PLD1: variants seen among roughly 807,000 people sequenced by gnomAD.
PLD1 encodes phospholipase D1.
In PLD1, 112 loss-of-function variants were observed where a neutral mutation model predicts 137.1. The observed-to-expected ratio is 0.82, with a 90% confidence interval of 0.70 to 0.96. The LOEUF is 0.96. Among genes scored for constraint, PLD1 ranks in the 40% least tolerant of loss-of-function variants. The probability of loss-of-function intolerance (pLI) is 0.00; values close to 1 mark genes in which losing one functional copy is unlikely to be tolerated. For missense variants in PLD1, 1,321 were observed against 1,342.0 expected (o/e 0.98, Z 0.24); for synonymous variants, 431 against 454.7 (o/e 0.95, Z 0.66).
chr3:171,736,839 T>G (rs1719395422), intron 3 of PLD1, among the ~76,000 whole-genome samples: 1 of 152,192 alleles, frequency 6.6e-6, no homozygotes, highest in Admixed American at 6.5e-5. Flanking sequence ...ACTTAACAAC[T>G]GCAAAATCCA....
At chr3:171,797,484 G>A (rs948207694) in intron 1 of PLD1, among the ~76,000 whole-genome samples, 5 of 152,082 alleles carry the variant, frequency 3.3e-5, no homozygotes, top group African/African-American at 1.2e-4. Flanking sequence ...GAAACTCTAG[G>A]GTGAGGCCCA....
intron 1 of PLD1, chr3:171,788,518 C>T (rs1394211641): frequency 6.6e-6 from 1 of 152,074 alleles, no homozygotes. Flanking sequence ...TCTAATATCC[C>T]GTCTCTCTAT....
chr3:171,738,884 C>A (rs189020750), intron 1 of PLD1, among the ~76,000 whole-genome samples: 1 of 152,192 alleles, frequency 6.6e-6, no homozygotes, highest in Non-Finnish European at 1.5e-5. Flanking sequence ...GCTTTGCACA[C>A]TGTCATCAGA....
At chr3:171,720,223 G>A (rs973080086) in intron 8 of PLD1, among the ~76,000 whole-genome samples, 1 of 148,930 alleles carries the variant, frequency 6.7e-6, no homozygotes, top group African/African-American at 2.5e-5. Context: ...GAGCTCAGGA[G>A]GTCGAGGCTG....
intron 1 of PLD1, among the ~76,000 whole-genome samples, chr3:171,802,220 T>C (rs927697719): frequency 6.6e-6 from 1 of 152,204 alleles, no homozygotes; most frequent in Non-Finnish European, 1.5e-5. Context: ...GGAAAGTCCC[T>C]ACTCTCATAA....
chr3:171,744,169 C>T (rs1263544657), intron 1 of PLD1, among the ~76,000 whole-genome samples: 1 of 152,170 alleles, frequency 6.6e-6, no homozygotes, highest in Admixed American at 6.5e-5. Context: ...ATGATCCTCA[C>T]AGCAACTTCA....
At chr3:171,736,605 G>T (rs1248110305) in intron 3 of PLD1, among the ~76,000 whole-genome samples, 3 of 152,132 alleles carry the variant, frequency 2.0e-5, no homozygotes, top group African/African-American at 7.2e-5. Flanking sequence ...ACATGTGCAG[G>T]TAGGCTGGGA....
chr3:171,766,872 G>T (rs200320536), intron 1 of PLD1, among the ~76,000 whole-genome samples: 48,938 of 151,380 alleles, frequency 0.32, 8,296 homozygotes, highest in African/African-American at 0.39. Context: ...GTTCTATATT[G>T]TTAAAGGTTC....
At position 171,659,358 on chromosome 3, in the gene PLD1, A is replaced by C. The variant is rs1378243; in HGVS notation, c.2341-57T>G. On this transcript the variant is annotated intron_variant, in intron 20 of 26. Transcript: ENST00000351298. ...TCTTTATTTTCTTAGCAATATACGT[A>C]AGAACAATACTGTAATATATTTTTT... 2.5e-3 allele frequency: 2,647 copies of C among 1,050,370 alleles called. 43 individuals carry two copies. In the African/African-American group the frequency reaches 0.036, roughly 14 times the overall value. The allele number at this position is 1,050,370 out of a possible 1,614,324, so 65.1% of individuals were successfully genotyped here. A position where few individuals can be genotyped will look rare whatever the true frequency, so the allele number is the denominator to read the frequency against.
intron 19 of PLD1, among the ~76,000 whole-genome samples, chr3:171,674,166 T>C (rs1305077167): frequency 2.0e-5 from 3 of 152,212 alleles, no homozygotes; most frequent in African/African-American, 7.2e-5. Flanking sequence ...GCTGCTAAGT[T>C]TCAGCCACAT....
At chr3:171,687,777 T>C (rs540622619) in intron 14 of PLD1, among the ~76,000 whole-genome samples, 193 bp from the exon 15 acceptor site, 10 of 152,292 alleles carry the variant, frequency 6.6e-5, no homozygotes, top group Non-Finnish European at 1.3e-4. Context: ...CAAAGGAATA[T>C]GAGGAGTTCT....
Position 171,615,126 on chromosome 3 carries a change from G to A in PLD1, c.2729-2694C>T, listed in dbSNP as rs1245733067. Reference sequence around the variant, plus strand: ...GTAAATGCTCCCTCCATTTGTTCCTGTATTCTGAAAATCAAATTCAGAAGA... The same window carrying A: ...GTAAATGCTCCCTCCATTTGTTCCTATATTCTGAAAATCAAATTCAGAAGA... On this transcript the variant is annotated intron_variant, in intron 24 of 26. Coordinates refer to ENST00000351298, the MANE Select transcript of PLD1 (RefSeq NM_002662.5). 2.0e-5 allele frequency among the ~76,000 whole-genome samples: 3 copies of A among 152,172 alleles called. No individual in the cohort carries two copies. In the East Asian group the frequency reaches 5.8e-4, roughly 29 times the overall value.
In PLD1 at chr3:171,737,950, G is replaced by A. The variant is rs1406432389; in HGVS notation, c.102C>T (p.His34=). ...IIENLDTREL[H]FEGEEVDYDV... is the part of the protein sequence containing the mutation. ...CGTAGTCTACCTCCTCTCCCTCAAA[G>A]TGGAGTTCCCGCGTGTCCAGATTTT... The change falls in exon 2 of 27, where the codon CAC becomes CAT. Residue 34 remains histidine (H), a synonymous_variant. Coordinates refer to ENST00000351298, the MANE Select transcript of PLD1 (RefSeq NM_002662.5). 6.2e-7 allele frequency: 1 copy of A among 1,613,870 alleles called. No homozygotes were observed. The highest frequency in any genetic ancestry group is 2.2e-5 in the East Asian group (1 of 44,894).
chr3:171,793,402 C>G (rs1723299364), intron 1 of PLD1: 1 of 152,044 alleles, frequency 6.6e-6, no homozygotes, highest in South Asian at 2.1e-4. Context: ...CAAAAGTTCT[C>G]CATTTATCAC....
At chr3:171,607,787 T>A (rs1468431008) in intron 25 of PLD1, among the ~76,000 whole-genome samples, 1 of 152,202 alleles carries the variant, frequency 6.6e-6, no homozygotes, top group Non-Finnish European at 1.5e-5. Context: ...GATGGTTATA[T>A]CTGCAAAGTT....
intron 16 of PLD1, among the ~76,000 whole-genome samples, chr3:171,678,815 C>T (rs1243217978): frequency 2.6e-5 from 4 of 152,142 alleles, no homozygotes; most frequent in Non-Finnish European, 2.9e-5. Context: ...CCTTGTTTTT[C>T]CCCACCCAAC....
intron 19 of PLD1, 47 bp downstream of exon 19, chr3:171,674,453 T>C (rs991350847): frequency 1.0e-6 from 1 of 993,136 alleles, no homozygotes; most frequent in Non-Finnish European, 1.5e-6. Context: ...TAACAGTAAT[T>C]TTACTCAGTA....
chr3:171,695,864 G>A (rs777501032), intron 12 of PLD1, among the ~76,000 whole-genome samples: 6 of 151,652 alleles, frequency 4.0e-5, no homozygotes, highest in East Asian at 1.9e-4. Context: ...CTTCCTCACC[G>A]TTTAAAAGCA....
intron 19 of PLD1, among the ~76,000 whole-genome samples, chr3:171,668,145 T>G (rs1429148240): frequency 6.6e-6 from 1 of 152,192 alleles, no homozygotes; most frequent in Non-Finnish European, 1.5e-5. Flanking sequence ...GACTGCTGAA[T>G]GTATATGAGA....
Sources: gnomAD v4.1 joint callset for allele counts (sites outside exome capture counted in the v4.1 genomes callset) on GRCh38, gnomAD v4.1.1 for gene constraint, MANE v1.5 for transcripts, NCBI Gene and HGNC (gene_info 2026-07-23, HGNC 2026-07-21) for gene names.